Variants in GDAP2 observed in about 807,000 individuals in gnomAD.
The protein encoded by GDAP2 is ganglioside-induced differentiation-associated protein 2.
In GDAP2, 51 loss-of-function variants were observed where a neutral mutation model predicts 67.0. That is an observed-to-expected ratio of 0.76 (90% CI 0.61 to 0.96). GDAP2 has a LOEUF of 0.96. Among genes scored for constraint, GDAP2 ranks in the 40% least tolerant of loss-of-function variants. GDAP2 has a pLI of 0.00. For missense variants in GDAP2, 547 were observed against 588.3 expected (o/e 0.93, Z 0.73); for synonymous variants, 203 against 207.3 (o/e 0.98, Z 0.18).
chr1:117,868,753 A>G lies in GDAP2; in HGVS notation c.*1816T>C, dbSNP rs2075949753. 6.7e-6 allele frequency: 1 copy of G among 148,206 alleles called. No individual in the cohort carries two copies. The highest frequency in any genetic ancestry group is 1.5e-5 in the Non-Finnish European group (1 of 66,896). The allele number at this position is 148,206 out of a possible 1,614,324, so 9.2% of individuals were successfully genotyped here. A position where few individuals can be genotyped will look rare whatever the true frequency, so the allele number is the denominator to read the frequency against. Reference sequence around the variant, plus strand: ...GTACAGTGCCCAAGGGGTTAAAAAAAAAGTACTGTTTGAGAGAAAGCTTAA... The same window carrying G: ...GTACAGTGCCCAAGGGGTTAAAAAAGAAGTACTGTTTGAGAGAAAGCTTAA... On this transcript the variant is annotated 3_prime_UTR_variant, in exon 14 of 14. Coordinates refer to ENST00000369443, the MANE Select transcript of GDAP2 (RefSeq NM_017686.4).
intron 4 of GDAP2, 22 bp downstream of exon 4, chr1:117,912,508 C>T (rs1649892363): frequency 6.2e-7 from 1 of 1,602,890 alleles, no homozygotes; most frequent in East Asian, 2.2e-5. Flanking sequence ...TATGCTATGT[C>T]CAGAAAATGA....
intron 12 of GDAP2, among the ~76,000 whole-genome samples, chr1:117,878,771 A>C (rs1648553831): frequency 6.6e-6 from 1 of 152,212 alleles, no homozygotes; most frequent in Non-Finnish European, 1.5e-5. Flanking sequence ...AAAAGGATAA[A>C]AAATTCTTGA....
rs201107731 is a variant in GDAP2 at position 117,899,215 on chromosome 1, C to A, written c.638G>T (p.Gly213Val). 15 of 1,607,154 alleles carry A rather than the reference C, an allele frequency of 9.3e-6. No individual in the cohort carries two copies. In the South Asian group the frequency reaches 1.4e-4, roughly 15 times the overall value. Residue 213 changes from glycine to valine, a missense_variant and splice_region_variant, in exon 7 of 14, where the codon GGT (glycine) becomes GTT (valine). By Grantham distance (109) the Gly-to-Val change is moderately radical (BLOSUM62 -3). Transcript: ENST00000369443. ...VVFAVSDLEE[G>V]TYQKLLPLYF... ...GAGAGGTAGCAGCTTTTGGTAAGTACCCTGTGTCAGAAAAGCAAGACATTC... is the reference window on the plus strand; with the variant it reads ...GAGAGGTAGCAGCTTTTGGTAAGTAACCTGTGTCAGAAAAGCAAGACATTC...
chr1:117,920,295 G>C lies in GDAP2; in HGVS notation c.63C>G (p.Asp21Glu). The C allele has an allele frequency of 6.2e-7, 1 of 1,609,902 alleles. No individual in the cohort carries two copies. Among genetic ancestry groups the C allele is most frequent in the Non-Finnish European group, 8.5e-7 (1 of 1,176,560 alleles). The change falls in exon 2 of 14, where the codon GAC becomes GAG. Residue 21 changes from aspartate to glutamate, a missense_variant. Transcript: ENST00000369443. ...VDVDTLPSWG[D>E]SCQDELNSSD... is the part of the protein sequence containing the mutation. Reference sequence around the variant, plus strand: ...AGGAATTTAATTCATCTTGGCATGAGTCACCCCAGCTTGGTAGTGTATCCA... The same window carrying C: ...AGGAATTTAATTCATCTTGGCATGACTCACCCCAGCTTGGTAGTGTATCCA...
Position 117,895,207 on chromosome 1 carries a change from A to G in GDAP2, c.953+1626T>C, listed in dbSNP as rs11810676. 8.6e-3 allele frequency among the ~76,000 whole-genome samples: 1,304 copies of G among 152,284 alleles called. 23 individuals carry two copies. Among genetic ancestry groups the G allele is most frequent in the African/African-American group, 0.03 (1,241 of 41,566 alleles). ...ACTATTTATCAAATTCTGGTATAGTATCAAAGAAGAATATCCCAATTATTT... is the reference window on the plus strand; with the variant it reads ...ACTATTTATCAAATTCTGGTATAGTGTCAAAGAAGAATATCCCAATTATTT... On this transcript the variant is annotated intron_variant, in intron 8 of 13. Coordinates refer to ENST00000369443, the MANE Select transcript of GDAP2 (RefSeq NM_017686.4).
intron 6 of GDAP2, 64 bp downstream of exon 6, chr1:117,906,442 A>G: frequency 2.3e-6 from 2 of 865,308 alleles, no homozygotes; most frequent in Non-Finnish European, 3.8e-6. Flanking sequence ...ATGTAGTGAC[A>G]AGCCAAAGTC....
At chr1:117,905,354 T>G (rs895530790) in intron 6 of GDAP2, among the ~76,000 whole-genome samples, 1 of 152,250 alleles carries the variant, frequency 6.6e-6, no homozygotes, top group African/African-American at 2.4e-5. Flanking sequence ...CCTCACATTT[T>G]ATGCAACAGC....
intron 2 of GDAP2, among the ~76,000 whole-genome samples, chr1:117,919,962 T>G (rs561665751): frequency 2.6e-5 from 4 of 152,200 alleles, no homozygotes; most frequent in Non-Finnish European, 4.4e-5. Flanking sequence ...ATATTCACTA[T>G]CTTGACTGTG....
intron 5 of GDAP2, among the ~76,000 whole-genome samples, chr1:117,908,119 C>T (rs892174006): frequency 6.6e-6 from 1 of 151,876 alleles, no homozygotes; most frequent in African/African-American, 2.4e-5. Flanking sequence ...TGGTGAACTC[C>T]TACTCATTTT....
intron 8 of GDAP2, among the ~76,000 whole-genome samples, chr1:117,888,022 A>T (rs1648929304): frequency 6.6e-6 from 1 of 152,166 alleles, no homozygotes; most frequent in African/African-American, 2.4e-5. Context: ...TAATCAAATG[A>T]AGGTTGTACA....
At chr1:117,917,224 C>CGATA (rs1315995743) in intron 3 of GDAP2, among the ~76,000 whole-genome samples, 1 of 152,078 alleles carries the variant, frequency 6.6e-6, no homozygotes, top group Non-Finnish European at 1.5e-5. Context: ...TTTAGTCTAT[C>CGATA]ATCCAGTATC....
intron 1 of GDAP2, among the ~76,000 whole-genome samples, chr1:117,924,895 C>G (rs1326281823): frequency 6.6e-6 from 1 of 152,080 alleles, no homozygotes; most frequent in Admixed American, 6.5e-5. Context: ...ACTATATACT[C>G]TTCTATCATG....
At position 117,882,019 on chromosome 1, in the gene GDAP2, T is replaced by C. The variant is rs972799235; in HGVS notation, c.1248-142A>G. On this transcript the variant is annotated intron_variant, in intron 11 of 13. Transcript: ENST00000369443. ...AGACAGCTATAATTTACAGATTGAA[T>C]TTTAGGTGAATGCCAAAAACAATTC... The C allele has an allele frequency of 4.2e-5, 24 of 576,520 alleles. No individual in the cohort carries two copies. The African/African-American group carries it at 4.5e-4, about 11-fold the overall frequency. 35.7% of individuals were successfully genotyped at this position (576,520 alleles called of 1,614,324 possible).
In GDAP2 at chr1:117,899,063, G is replaced by A; in HGVS notation, c.790C>T (p.Pro264Ser). The stretch of plus-strand genomic sequence containing the variant: ...TTAGAGCTCTAGAACTCACCTTCTG[G>A]AGCACCAGGTTTCTCACTTATTCTA... ...QIRISEKPGA[P>S]EDNQEEEDEG... The change falls in exon 7 of 14, where the codon CCA becomes TCA. Residue 264 changes from proline to serine, a missense_variant. Pro to Ser is a moderately conservative substitution (Grantham distance 74, BLOSUM62 -1). Coordinates refer to ENST00000369443, the MANE Select transcript of GDAP2 (RefSeq NM_017686.4). The A allele has an allele frequency of 6.2e-7, 1 of 1,613,156 alleles. No individual in the cohort carries two copies. Among genetic ancestry groups the A allele is most frequent in the Non-Finnish European group, 8.5e-7 (1 of 1,179,232 alleles).
intron 8 of GDAP2, among the ~76,000 whole-genome samples, chr1:117,895,504 C>G (rs1649233475): frequency 6.6e-6 from 1 of 152,100 alleles, no homozygotes; most frequent in Admixed American, 6.6e-5. Context: ...CAAAAGCTCT[C>G]TGGGGTCCTC....
chr1:117,891,868 C>T (rs1468250189), intron 8 of GDAP2, among the ~76,000 whole-genome samples: 1 of 152,042 alleles, frequency 6.6e-6, no homozygotes, highest in Non-Finnish European at 1.5e-5. Flanking sequence ...AAATTTAAGT[C>T]CTTAATCTAT....
chr1:117,887,635 A>G (rs1221478377), intron 9 of GDAP2, 63 bp downstream of exon 9: 2 of 845,146 alleles, frequency 2.4e-6, no homozygotes, highest in East Asian at 2.4e-5. Flanking sequence ...TGAATTCTCA[A>G]ATAGCATGCT....
In GDAP2 at chr1:117,870,912, C is replaced by T. The variant is rs538164617; in HGVS notation, c.1447-296G>A. On this transcript the variant is annotated intron_variant, in intron 13 of 13. Coordinates refer to ENST00000369443, the MANE Select transcript of GDAP2 (RefSeq NM_017686.4). ...ATCCCTTTAAATCTTCACATAATGC[C>T]ATGAAGTAGGTAACATCCTCACTTT... is the stretch of plus-strand genomic sequence containing the variant. 9.2e-5 allele frequency among the ~76,000 whole-genome samples: 14 copies of T among 152,214 alleles called. 1 individual carries two copies. The highest frequency in any genetic ancestry group is 3.4e-4 in the African/African-American group (14 of 41,538).
rs1035986563 is a variant in GDAP2 at position 117,866,842 on chromosome 1, A to G, written c.*3727T>C. 3 of 151,872 alleles carry G rather than the reference A, an allele frequency of 2.0e-5. No homozygotes were observed. The highest frequency in any genetic ancestry group is 4.4e-5 in the Non-Finnish European group (3 of 68,000). The allele number at this position is 151,872 out of a possible 1,614,324, so 9.4% of individuals were successfully genotyped here. ...GCACTCCAGCCTGGGTGACCAAAAAAAAAAAAAAAGTACAGTAAGGCCCTT... is the reference window on the plus strand; with the variant it reads ...GCACTCCAGCCTGGGTGACCAAAAAGAAAAAAAAAGTACAGTAAGGCCCTT... On this transcript the variant is annotated 3_prime_UTR_variant, in exon 14 of 14. Coordinates refer to ENST00000369443, the MANE Select transcript of GDAP2 (RefSeq NM_017686.4).
Sources: gnomAD v4.1 joint callset for allele counts (sites outside exome capture counted in the v4.1 genomes callset) on GRCh38, gnomAD v4.1.1 for gene constraint, MANE v1.5 for transcripts, NCBI Gene and HGNC (gene_info 2026-07-23, HGNC 2026-07-21) for gene names.